NCOA2: variants seen among roughly 807,000 people sequenced by gnomAD.
NCOA2 encodes nuclear receptor coactivator 2.
A neutral mutation model predicts 145.1 loss-of-function variants in NCOA2; 21 were observed. The observed-to-expected ratio is 0.14, with a 90% confidence interval of 0.10 to 0.21. The LOEUF (loss-of-function observed/expected upper bound fraction) is 0.21. NCOA2 is among the 10% of genes least tolerant of loss of function. The pLI, the probability that NCOA2 is intolerant of heterozygous loss-of-function variation, is 1.00. For missense variants in NCOA2, 1,472 were observed against 1,837.6 expected (o/e 0.80, Z 3.64); for synonymous variants, 619 against 637.5 (o/e 0.97, Z 0.44).
intron 18 of NCOA2, among the ~76,000 whole-genome samples, chr8:70,127,509 G>A (rs1244291273): frequency 6.6e-6 from 1 of 152,142 alleles, no homozygotes; most frequent in Non-Finnish European, 1.5e-5. Context: ...AAAGGGGAGA[G>A]CGAGGAGAGT....
chr8:70,124,876 A>C lies in NCOA2; in HGVS notation c.3917-11T>G, dbSNP rs1563484710. On this transcript the variant is annotated splice_polypyrimidine_tract_variant and intron_variant, in intron 19 of 22. Coordinates refer to ENST00000452400, the MANE Select transcript of NCOA2 (RefSeq NM_006540.4). ...GTTGCTGACTTATTCCTTAAAAAAA[A>C]AAACAGAAACAGAAATCCAAAAGAG... The C allele has an allele frequency of 6.4e-7, 1 of 1,565,934 alleles. No individual in the cohort carries two copies. The highest frequency in any genetic ancestry group is 8.6e-7 in the Non-Finnish European group (1 of 1,161,600).
upstream of NCOA2, chr8:70,403,811 C>A: frequency 2.5e-6 from 1 of 397,348 alleles, no homozygotes; most frequent in Non-Finnish European, 4.4e-6. Flanking sequence ...TAACTGCTGC[C>A]TGGTTGTTTA....
chr8:70,319,139 G>A (rs555468768), intron 1 of NCOA2, among the ~76,000 whole-genome samples: 11 of 152,252 alleles, frequency 7.2e-5, no homozygotes, highest in African/African-American at 1.2e-4. Context: ...CGGGAAAGAC[G>A]GATAATCTGA....
chr8:70,236,408 G>T (rs145046935), intron 2 of NCOA2, among the ~76,000 whole-genome samples: 1 of 151,928 alleles, frequency 6.6e-6, no homozygotes, highest in Non-Finnish European at 1.5e-5. Flanking sequence ...TTTTCTGTTT[G>T]CCCGGGAACT....
chr8:70,333,892 T>C (rs942735678), intron 1 of NCOA2, among the ~76,000 whole-genome samples: 2 of 151,964 alleles, frequency 1.3e-5, no homozygotes, highest in African/African-American at 4.9e-5. Context: ...TGCATCTTAG[T>C]TGTTAATTTC....
Position 70,301,176 on chromosome 8 carries a change from T to G in NCOA2, c.-76-4376A>C, listed in dbSNP as rs1827460474. ...GTGACCAACCTGAAAACTGCCTTCTTGAGGTTTTTGGTATAGTACTAACAA... is the reference window on the plus strand; with the variant it reads ...GTGACCAACCTGAAAACTGCCTTCTGGAGGTTTTTGGTATAGTACTAACAA... On this transcript the variant is annotated intron_variant, in intron 1 of 22. Transcript: ENST00000452400. Among the ~76,000 whole-genome samples the G allele has an allele frequency of 2.6e-5, 4 of 152,322 alleles. No homozygotes were observed. In the South Asian group the frequency reaches 8.3e-4, roughly 32 times the overall value.
chr8:70,286,272 C>T (rs1826226055), intron 2 of NCOA2, among the ~76,000 whole-genome samples: 1 of 151,968 alleles, frequency 6.6e-6, no homozygotes, highest in South Asian at 2.1e-4. Context: ...ATTAGCTGGG[C>T]ATGTTGACTG....
At chr8:70,368,543 G>GT (rs1311432730) in intron 1 of NCOA2, among the ~76,000 whole-genome samples, 5 of 152,126 alleles carry the variant, frequency 3.3e-5, no homozygotes, top group African/African-American at 9.7e-5. Context: ...TGAGACCAAA[G>GT]TAACTCGTTA....
chr8:70,406,313 T>G (rs1466563074), upstream of NCOA2, among the ~76,000 whole-genome samples: 1 of 152,230 alleles, frequency 6.6e-6, no homozygotes, highest in Non-Finnish European at 1.5e-5. Context: ...AGAACTTTGA[T>G]TCCCATGAGA....
At chr8:70,183,929 TAC>T (rs1247212557) in intron 4 of NCOA2, among the ~76,000 whole-genome samples, 1 of 152,174 alleles carries the variant, frequency 6.6e-6, no homozygotes, top group Non-Finnish European at 1.5e-5. Context: ...CAGCTGTGAA[TAC>T]AGTTTCACAG....
At chr8:70,251,329 AGGAC>A (rs1184764601) in intron 2 of NCOA2, among the ~76,000 whole-genome samples, 1 of 152,244 alleles carries the variant, frequency 6.6e-6, no homozygotes, top group African/African-American at 2.4e-5. Context: ...GCTGAGGAGA[AGGAC>A]TATAGAGTGC....
At chr8:70,256,237 T>C (rs1463112360) in intron 2 of NCOA2, among the ~76,000 whole-genome samples, 2 of 152,134 alleles carry the variant, frequency 1.3e-5, no homozygotes, top group South Asian at 2.1e-4. Flanking sequence ...ACTACATTCC[T>C]AACCATTCCT....
At chr8:70,441,350 AAAC>A in the NCOA2 span, among the ~76,000 whole-genome samples, 733 of 150,656 alleles carry the variant, frequency 4.9e-3, 8 homozygotes, top group African/African-American at 0.017. Flanking sequence ...AGAAAGAGAA[AAAC>A]AAAGAAAAGA....
At chr8:70,434,443 T>A in the NCOA2 span, among the ~76,000 whole-genome samples, 5 of 152,176 alleles carry the variant, frequency 3.3e-5, no homozygotes, top group Non-Finnish European at 4.4e-5. Flanking sequence ...AATGTGAACA[T>A]CACCCCTTCA....
At chr8:70,261,137 A>G (rs1586287593) in intron 2 of NCOA2, among the ~76,000 whole-genome samples, 1 of 152,352 alleles carries the variant, frequency 6.6e-6, no homozygotes, top group East Asian at 1.9e-4. Flanking sequence ...ATGCTGCTAT[A>G]AAGACACATG....
intron 2 of NCOA2, among the ~76,000 whole-genome samples, chr8:70,290,665 A>G (rs1826604427): frequency 6.6e-6 from 1 of 152,206 alleles, no homozygotes; most frequent in Admixed American, 6.5e-5. Context: ...AATAAATAGA[A>G]ATACCTATAT....
At chr8:70,223,911 T>C (rs1175291651) in intron 2 of NCOA2, among the ~76,000 whole-genome samples, 1 of 152,254 alleles carries the variant, frequency 6.6e-6, no homozygotes, top group Non-Finnish European at 1.5e-5. Flanking sequence ...GGAAGCACTA[T>C]ATTTTAACTT....
intron 21 of NCOA2, 51 bp from the exon 22 acceptor site, chr8:70,121,442 G>C (rs1807802439): frequency 1.4e-6 from 2 of 1,455,708 alleles, no homozygotes; most frequent in Admixed American, 1.8e-5. Context: ...ATGTCCAAGA[G>C]TGCACTGGAA....
chr8:70,402,483 A>C (rs956041863), intron 1 of NCOA2: 7 of 152,170 alleles, frequency 4.6e-5, no homozygotes, highest in African/African-American at 1.4e-4. Context: ...GGGGCCATCT[A>C]ACCAGGGACC....
Sources: gnomAD v4.1 joint callset for allele counts (sites outside exome capture counted in the v4.1 genomes callset) on GRCh38, gnomAD v4.1.1 for gene constraint, MANE v1.5 for transcripts, NCBI Gene and HGNC (gene_info 2026-07-23, HGNC 2026-07-21) for gene names.